The following LINGO2 variants were observed in gnomAD, a reference collection of about 807,000 sequenced individuals.
LINGO2 encodes leucine rich repeat and Ig domain containing 2, also known as leucine-rich repeat and immunoglobulin-like domain-containing nogo receptor-interacting protein 2.
A neutral mutation model predicts 30.6 loss-of-function variants in LINGO2; 14 were observed. The observed-to-expected ratio is 0.46, with a 90% CI of 0.30 to 0.72. LINGO2 has a LOEUF of 0.72. LINGO2 is among the 30% of genes least tolerant of loss of function. The probability of loss-of-function intolerance (pLI) is 0.07; values close to 1 mark genes in which losing one functional copy is unlikely to be tolerated. For missense variants in LINGO2, 729 were observed against 751.7 expected (o/e 0.97, Z 0.35); for synonymous variants, 317 against 288.5 (o/e 1.10, Z -1.00).
At chr9:28,643,722 G>T (rs1021607342) in intron 1 of LINGO2, among the ~76,000 whole-genome samples, 7 of 151,790 alleles carry the variant, frequency 4.6e-5, no homozygotes, top group African/African-American at 9.7e-5. Flanking sequence ...CATAGCAAAA[G>T]AAACAATCAA....
chr9:28,363,564 A>G (rs1820539885), intron 3 of LINGO2, among the ~76,000 whole-genome samples: 1 of 152,218 alleles, frequency 6.6e-6, no homozygotes, highest in African/African-American at 2.4e-5. Context: ...CATCAGCAAA[A>G]AGGGTGGAAC....
chr9:28,320,732 C>T (rs2134297858), intron 3 of LINGO2, among the ~76,000 whole-genome samples: 1 of 152,226 alleles, frequency 6.6e-6, no homozygotes, highest in Non-Finnish European at 1.5e-5. Context: ...GATTTCTTCT[C>T]AAAGATCCAA....
chr9:28,779,883 T>TCTCC, the LINGO2 span, among the ~76,000 whole-genome samples: 1 of 152,032 alleles, frequency 6.6e-6, no homozygotes. Flanking sequence ...CCTCTATCTC[T>TCTCC]CTCCCTCCCT....
intron 4 of LINGO2, among the ~76,000 whole-genome samples, chr9:28,077,954 A>G (rs909187430): frequency 6.7e-6 from 1 of 148,826 alleles, no homozygotes; most frequent in African/African-American, 2.6e-5. Context: ...TTAAGCGTCA[A>G]CTCTAGAGAA....
intron 3 of LINGO2, among the ~76,000 whole-genome samples, chr9:28,324,315 G>A (rs747350662): frequency 6.6e-6 from 1 of 152,014 alleles, no homozygotes; most frequent in Non-Finnish European, 1.5e-5. Flanking sequence ...CTCTGGTTTC[G>A]GTAATCGGTT....
the LINGO2 span, among the ~76,000 whole-genome samples, chr9:29,101,163 G>A: frequency 2.6e-5 from 4 of 152,072 alleles, no homozygotes; most frequent in African/African-American, 4.8e-5. Context: ...TTAGAAAAAC[G>A]TACTTTATAG....
At chr9:28,529,310 C>T (rs1211189551) in intron 1 of LINGO2, among the ~76,000 whole-genome samples, 1 of 152,106 alleles carries the variant, frequency 6.6e-6, no homozygotes, top group East Asian at 1.9e-4. Context: ...ATATTCTTCT[C>T]CATACTAGAG....
the LINGO2 span, among the ~76,000 whole-genome samples, chr9:29,113,217 T>C: frequency 6.6e-6 from 1 of 152,278 alleles, no homozygotes; most frequent in Non-Finnish European, 1.5e-5. Context: ...TTTTACAAAC[T>C]AAGAAGGATA....
At chr9:29,099,582 T>C in the LINGO2 span, among the ~76,000 whole-genome samples, 2 of 152,166 alleles carry the variant, frequency 1.3e-5, no homozygotes, top group Non-Finnish European at 2.9e-5. Flanking sequence ...AAGGTCTGAA[T>C]AGATGTATCT....
the LINGO2 span, among the ~76,000 whole-genome samples, chr9:28,748,356 C>A: frequency 6.7e-6 from 1 of 148,910 alleles, no homozygotes; most frequent in Non-Finnish European, 1.5e-5. Context: ...AAGAATAATC[C>A]CTAGATATTT....
chr9:28,939,167 C>A, the LINGO2 span, among the ~76,000 whole-genome samples: 135,831 of 151,926 alleles, frequency 0.89, 61,028 homozygotes, highest in Non-Finnish European at 0.94. Context: ...TTCTGCAGTT[C>A]GAAGGCTACT....
intron 2 of LINGO2, among the ~76,000 whole-genome samples, chr9:28,410,594 G>A (rs1425665409): frequency 1.3e-5 from 2 of 152,086 alleles, no homozygotes; most frequent in Admixed American, 6.6e-5. Flanking sequence ...GCATGAGACT[G>A]CTGCTTCGTG....
intron 1 of LINGO2, among the ~76,000 whole-genome samples, chr9:28,612,146 C>T (rs1221578348): frequency 1.3e-5 from 2 of 152,108 alleles, no homozygotes; most frequent in Non-Finnish European, 2.9e-5. Flanking sequence ...ACTGTAGCTT[C>T]CACCTCCCAG....
the LINGO2 span, among the ~76,000 whole-genome samples, chr9:29,092,675 T>G: frequency 1.7e-5 from 2 of 116,058 alleles, no homozygotes; most frequent in African/African-American, 6.5e-5. Flanking sequence ...TAGAATTTTC[T>G]TAACAAAGAC....
intron 1 of LINGO2, among the ~76,000 whole-genome samples, chr9:28,521,176 A>G (rs1259858080): frequency 6.6e-6 from 1 of 152,232 alleles, no homozygotes; most frequent in Non-Finnish European, 1.5e-5. Context: ...TCTTAATAAA[A>G]TCAAAATTTT....
chr9:27,950,790 T>A (rs1819268267), intron 5 of LINGO2, 84 bp from the exon 7 acceptor site: 2 of 675,120 alleles, frequency 3.0e-6, no homozygotes, highest in Non-Finnish European at 4.4e-6. Context: ...GGGCAGCAAG[T>A]GTAATGGAAA....
chr9:28,943,835 CT>C, the LINGO2 span, among the ~76,000 whole-genome samples: 1 of 152,112 alleles, frequency 6.6e-6, no homozygotes, highest in Non-Finnish European at 1.5e-5. Flanking sequence ...TGTATAATAT[CT>C]AGGCAATCAC....
In LINGO2 at chr9:28,129,252, T is replaced by C. The variant is rs928626901; in HGVS notation, c.-86-116847A>G. Among the ~76,000 whole-genome samples, 1 of 152,202 alleles carries C rather than the reference T, an allele frequency of 6.6e-6. No individual in the cohort carries two copies. The highest frequency in any genetic ancestry group is 2.4e-5 in the African/African-American group (1 of 41,458). ...TTCACCTGGTAATCGTGGGAGTCAATTCTCCTTAATAAACTCCTTTTGGTA... is the reference window on the plus strand; with the variant it reads ...TTCACCTGGTAATCGTGGGAGTCAACTCTCCTTAATAAACTCCTTTTGGTA... On this transcript the variant is annotated intron_variant, in intron 4 of 5. Coordinates refer to ENST00000379992, the Ensembl canonical transcript of LINGO2. The surrounding 1 kb of genome is among the most constrained non-coding windows in gnomAD (Gnocchi z 4.0).
chr9:28,086,130 AC>A (rs1438855424), intron 4 of LINGO2, among the ~76,000 whole-genome samples: 4 of 152,126 alleles, frequency 2.6e-5, no homozygotes, highest in African/African-American at 9.6e-5. Context: ...AGGGAAACTT[AC>A]TTTTCACTGA....
Sources: allele counts gnomAD v4.1 joint callset (sites outside exome capture counted in the v4.1 genomes callset), GRCh38; gene constraint gnomAD v4.1.1; non-coding constraint Gnocchi (gnomAD v3.1); transcripts MANE v1.5; gene names NCBI Gene and HGNC (gene_info 2026-07-23, HGNC 2026-07-21).